FUBP3: variants seen among roughly 807,000 people sequenced by gnomAD.
FUBP3 encodes the protein far upstream element binding protein 3.
Under a neutral mutation model 85.6 loss-of-function variants are expected in FUBP3, and 28 were observed. The ratio of observed to expected loss-of-function variants is 0.33; its 90% confidence interval spans 0.24 to 0.45. The LOEUF (loss-of-function observed/expected upper bound fraction) is 0.45, where lower values mean the gene tolerates loss of function less well. Ranked by LOEUF, FUBP3 falls within the 20% of genes least tolerant of loss-of-function variation. The pLI is 1.00. For missense variants in FUBP3, 583 were observed against 755.1 expected (o/e 0.77, Z 2.67); for synonymous variants, 271 against 271.4 (o/e 1.00, Z 0.01).
intron 2 of FUBP3, among the ~76,000 whole-genome samples, chr9:130,599,397 A>ATG (rs1831038820): frequency 1.3e-5 from 2 of 151,252 alleles, no homozygotes; most frequent in Non-Finnish European, 2.9e-5. Flanking sequence ...ATATATATAT[A>ATG]TGTAAAGTTT....
At chr9:130,602,008 G>T (rs1282470698) in intron 2 of FUBP3, among the ~76,000 whole-genome samples, 1 of 151,720 alleles carries the variant, frequency 6.6e-6, no homozygotes, top group Admixed American at 6.6e-5. Flanking sequence ...CACCATGTTG[G>T]CCAGGCTGGT....
At chr9:130,628,128 C>CA (rs1554745974) in intron 12 of FUBP3, among the ~76,000 whole-genome samples, 39 of 140,852 alleles carry the variant, frequency 2.8e-4, no homozygotes, top group Non-Finnish European at 5.4e-4. Flanking sequence ...ACACACACAC[C>CA]CCCTACCCCT....
intron 16 of FUBP3, among the ~76,000 whole-genome samples, chr9:130,633,058 C>T (rs1830280015): frequency 2.6e-5 from 4 of 152,254 alleles, no homozygotes; most frequent in African/African-American, 9.6e-5. Flanking sequence ...AGGGCCTGAG[C>T]CCCCTTTCTG....
chr9:130,624,275 G>C (rs189027206), intron 11 of FUBP3, among the ~76,000 whole-genome samples: 6 of 152,214 alleles, frequency 3.9e-5, no homozygotes, highest in Non-Finnish European at 8.8e-5. Context: ...TGACCTTGGA[G>C]CTGCCTTTGA....
intron 1 of FUBP3, among the ~76,000 whole-genome samples, chr9:130,593,465 C>T (rs1830722412): frequency 6.6e-6 from 1 of 152,192 alleles, no homozygotes; most frequent in Middle Eastern, 3.2e-3. Context: ...CTTCAGGAAT[C>T]TTATTATCTT....
intron 8 of FUBP3, among the ~76,000 whole-genome samples, chr9:130,618,205 G>A (rs1832106647): frequency 6.6e-6 from 1 of 152,216 alleles, no homozygotes; most frequent in African/African-American, 2.4e-5. Flanking sequence ...CTGTGTGTGT[G>A]CAGAACATTT....
At chr9:130,627,780 G>T (rs917286758) in intron 12 of FUBP3, among the ~76,000 whole-genome samples, 1 of 152,240 alleles carries the variant, frequency 6.6e-6, no homozygotes, top group Admixed American at 6.5e-5. Context: ...GCTAGATCTA[G>T]ATTTCTTGGC....
intron 11 of FUBP3, among the ~76,000 whole-genome samples, chr9:130,624,501 C>T (rs942272209): frequency 2.6e-5 from 4 of 152,172 alleles, no homozygotes; most frequent in South Asian, 4.1e-4. Flanking sequence ...GTTTATAAAA[C>T]GGCCACTAAA....
chr9:130,586,158 AT>A (rs942007393), intron 1 of FUBP3, among the ~76,000 whole-genome samples: 4 of 152,090 alleles, frequency 2.6e-5, no homozygotes, highest in African/African-American at 9.7e-5. Context: ...CCCAGCCTAC[AT>A]TTTTATTCTA....
At chr9:130,622,292 G>T (rs1275616553) in intron 9 of FUBP3, among the ~76,000 whole-genome samples, 1 of 145,326 alleles carries the variant, frequency 6.9e-6, no homozygotes, top group African/African-American at 2.6e-5. Flanking sequence ...GCCACTGCAG[G>T]CTGGGCAACA....
intron 12 of FUBP3, among the ~76,000 whole-genome samples, chr9:130,629,147 T>C (rs1407146449): frequency 6.6e-6 from 1 of 152,146 alleles, no homozygotes; most frequent in Non-Finnish European, 1.5e-5. Flanking sequence ...ATAAAATCCA[T>C]GGCCTCCGAG....
intron 1 of FUBP3, among the ~76,000 whole-genome samples, chr9:130,582,869 C>G (rs533139870): frequency 3.2e-4 from 49 of 152,364 alleles, no homozygotes; most frequent in African/African-American, 1.0e-3. Flanking sequence ...CAGCCTTCCA[C>G]AAGCTGGACC....
At chr9:130,618,602 T>C (rs1006081380) in intron 8 of FUBP3, among the ~76,000 whole-genome samples, 1 of 152,210 alleles carries the variant, frequency 6.6e-6, no homozygotes, top group Non-Finnish European at 1.5e-5. Flanking sequence ...AGGGTTTTTG[T>C]CTGTCCTCAG....
At chr9:130,584,869 A>G (rs545298219) in intron 1 of FUBP3, among the ~76,000 whole-genome samples, 1 of 151,406 alleles carries the variant, frequency 6.6e-6, no homozygotes, top group East Asian at 2.0e-4. Flanking sequence ...CCTCCATCCC[A>G]AAAAAAGTTT....
At chr9:130,597,592 T>G (rs1199298624) in intron 2 of FUBP3, among the ~76,000 whole-genome samples, 2 of 152,230 alleles carry the variant, frequency 1.3e-5, no homozygotes, top group Non-Finnish European at 2.9e-5. Context: ...GATCTGCTTA[T>G]TCACATTCTT....
At chr9:130,607,034 G>A (rs754997530) in intron 2 of FUBP3, among the ~76,000 whole-genome samples, 6 of 152,092 alleles carry the variant, frequency 3.9e-5, no homozygotes, top group Middle Eastern at 3.4e-3. Context: ...GCAATGACAC[G>A]ATCCCAGCTC....
intron 1 of FUBP3, among the ~76,000 whole-genome samples, chr9:130,585,666 G>A (rs989337083): frequency 6.6e-6 from 1 of 152,228 alleles, no homozygotes; most frequent in South Asian, 2.1e-4. Flanking sequence ...GGTTTAGGGT[G>A]TGTTTCGTAA....
chr9:130,632,014 C>T lies in FUBP3; in HGVS notation c.1425C>T (p.Thr475=). ...AAKVNGNPHS[T]PVSGPPAFLT... is the part of the protein sequence containing the mutation. ...AGGTGAATGGGAACCCCCACAGCAC[C>T]CCTGTGAGGTAGGTGACCTGCTGTG... The change falls in exon 15 of 19, where the codon ACC becomes ACT. Residue 475 remains threonine (T), a synonymous_variant. Transcript: ENST00000319725. The T allele has an allele frequency of 6.2e-7, 1 of 1,609,076 alleles. No homozygotes were observed.
In FUBP3 at chr9:130,579,941, G is replaced by A. The variant is rs894134612; in HGVS notation, c.84+177G>A. On this transcript the variant is annotated intron_variant, in intron 1 of 18. Coordinates refer to ENST00000319725, the MANE Select transcript of FUBP3 (RefSeq NM_003934.2). ...AGCCGGGGGGATAAGGCGCCACTGCGAGGCCCAGGCCCGGCCTGTCGGGCG... is the reference window on the plus strand; with the variant it reads ...AGCCGGGGGGATAAGGCGCCACTGCAAGGCCCAGGCCCGGCCTGTCGGGCG... Among the ~76,000 whole-genome samples the A allele has an allele frequency of 4.6e-5, 7 of 152,340 alleles. 1 individual carries two copies. The East Asian group carries it at 1.4e-3, about 29-fold the overall frequency.
Sources: gnomAD v4.1 joint callset for allele counts (sites outside exome capture counted in the v4.1 genomes callset) on GRCh38, gnomAD v4.1.1 for gene constraint, MANE v1.5 for transcripts, NCBI Gene and HGNC (gene_info 2026-07-23, HGNC 2026-07-21) for gene names.